PIK3R4: variants seen among roughly 807,000 people sequenced by gnomAD.
PIK3R4 encodes phosphoinositide 3-kinase regulatory subunit 4.
Under a neutral mutation model 136.5 loss-of-function variants are expected in PIK3R4, and 46 were observed. That is an observed-to-expected ratio of 0.34 (90% CI 0.27 to 0.43). PIK3R4 has a LOEUF of 0.43. Among genes scored for constraint, PIK3R4 ranks in the 20% least tolerant of loss-of-function variants. The pLI is 1.00. For missense variants in PIK3R4, 1,331 were observed against 1,649.5 expected, an observed-to-expected ratio of 0.81 and a Z score of 3.35; for synonymous variants, 557 against 566.7, an observed-to-expected ratio of 0.98 and a Z score of 0.24.
chr3:130,699,090 A>C (rs2066562255), intron 13 of PIK3R4, among the ~76,000 whole-genome samples: 1 of 152,200 alleles, frequency 6.6e-6, no homozygotes, highest in Admixed American at 6.5e-5. Context: ...GTATGTGCAC[A>C]ACTCTACACA....
chr3:130,684,674 C>T (rs970940994), intron 15 of PIK3R4, among the ~76,000 whole-genome samples: 1 of 152,156 alleles, frequency 6.6e-6, no homozygotes, highest in African/African-American at 2.4e-5. Flanking sequence ...CGAAGGCACC[C>T]ACAAAAACAG....
At chr3:130,706,862 A>T in intron 11 of PIK3R4, 86 bp downstream of exon 11, 1 of 975,288 alleles carries the variant, frequency 1.0e-6, no homozygotes, top group Non-Finnish European at 1.4e-6. Flanking sequence ...TGATTTTTCC[A>T]CTACAGTACA....
At chr3:130,701,055 T>C (rs2066571227) in intron 13 of PIK3R4, among the ~76,000 whole-genome samples, 1 of 152,150 alleles carries the variant, frequency 6.6e-6, no homozygotes, top group Non-Finnish European at 1.5e-5. Context: ...AGCATGACAC[T>C]GGGATACAGA....
At chr3:130,738,422 G>A (rs888371670) in intron 2 of PIK3R4, among the ~76,000 whole-genome samples, 2 of 152,042 alleles carry the variant, frequency 1.3e-5, no homozygotes, top group African/African-American at 4.8e-5. Flanking sequence ...AAAAACAGTA[G>A]GGAAAAACAC....
intron 16 of PIK3R4, 84 bp downstream of exon 16, chr3:130,684,166 C>A: frequency 1.6e-6 from 2 of 1,278,242 alleles, no homozygotes; most frequent in South Asian, 1.3e-5. Flanking sequence ...TAAAATAAAA[C>A]TAAAAACATG....
intron 18 of PIK3R4, 33 bp from the exon 19 acceptor site, chr3:130,680,754 T>G: frequency 2.3e-5 from 30 of 1,297,128 alleles, no homozygotes; most frequent in Non-Finnish European, 3.0e-5. Context: ...TGACAATCTC[T>G]TCAGGACAAT....
intron 4 of PIK3R4, 81 bp downstream of exon 4, chr3:130,733,467 C>G: frequency 2.2e-6 from 2 of 899,218 alleles, no homozygotes; most frequent in South Asian, 3.3e-5. Flanking sequence ...AATTCTCAAA[C>G]AAATCAGAAA....
At chr3:130,724,757 T>C (rs780098638) in intron 6 of PIK3R4, among the ~76,000 whole-genome samples, 5 of 151,858 alleles carry the variant, frequency 3.3e-5, no homozygotes, top group Non-Finnish European at 7.4e-5. Flanking sequence ...GTAGTCAACA[T>C]CTCAAAAACT....
In PIK3R4 at chr3:130,733,677, A is replaced by G. The variant is rs1243762577; in HGVS notation, c.1321T>C (p.Leu441=). The G allele has an allele frequency of 6.2e-7, 1 of 1,614,164 alleles. No individual in the cohort carries two copies. Among genetic ancestry groups the G allele is most frequent in the Non-Finnish European group, 8.5e-7 (1 of 1,179,962 alleles). ...TTGACGAGAGCAAGAACTTTGGTCA[A>G]CGTCCTCAAGGCTTCAGCCCTCACC... ...PRVRAEALRT[L]TKVLALVKEV... is the part of the protein sequence containing the mutation. Residue 441 remains leucine (L), a synonymous_variant, in exon 4 of 20, where the codon TTG becomes CTG. Transcript: ENST00000356763.
At chr3:130,706,156 T>C (rs2066605246) in intron 11 of PIK3R4, among the ~76,000 whole-genome samples, 1 of 152,164 alleles carries the variant, frequency 6.6e-6, no homozygotes, top group African/African-American at 2.4e-5. Context: ...AATTACAAAC[T>C]TATTTCAAAT....
At chr3:130,701,080 TAA>T (rs896811575) in intron 13 of PIK3R4, among the ~76,000 whole-genome samples, 1 of 152,150 alleles carries the variant, frequency 6.6e-6, no homozygotes, top group South Asian at 2.1e-4. Context: ...ATGACTGTAA[TAA>T]AAATCACTTG....
chr3:130,712,907 T>C (rs780001585), intron 9 of PIK3R4, among the ~76,000 whole-genome samples: 4 of 152,218 alleles, frequency 2.6e-5, no homozygotes, highest in Non-Finnish European at 4.4e-5. Context: ...CTGTTTATTT[T>C]ACTTTAGAGG....
At chr3:130,705,278 G>A (rs981456172) in intron 12 of PIK3R4, among the ~76,000 whole-genome samples, 3 of 152,148 alleles carry the variant, frequency 2.0e-5, no homozygotes, top group Non-Finnish European at 4.4e-5. Context: ...AAAGTGGCAA[G>A]GCATTAAACA....
chr3:130,735,395 T>A (rs2066780749), intron 3 of PIK3R4, among the ~76,000 whole-genome samples: 2 of 152,212 alleles, frequency 1.3e-5, no homozygotes, highest in South Asian at 4.1e-4. Context: ...AATTTGTGCT[T>A]CTGTAGCTGC....
Position 130,744,525 on chromosome 3 carries a change from T to C in PIK3R4, c.694A>G (p.Arg232Gly). The change falls in exon 2 of 20, where the codon AGA (arginine) becomes GGA (glycine). Residue 232 changes from arginine (R) to glycine (G), a missense_variant. Arg to Gly is a moderately radical substitution (Grantham distance 125). Coordinates refer to ENST00000356763, the MANE Select transcript of PIK3R4 (RefSeq NM_014602.3). ...TCCATTGCTCTCTTCAACTCTCCTC[T>C]TGTTCTCTGATTGCTATTTAAGTCT... The part of the protein sequence containing the change: ...LVDLNSNQRT[R>G]GELKRAMDIF... 1.2e-6 allele frequency: 2 copies of C among 1,614,126 alleles called. No individual in the cohort carries two copies. Among genetic ancestry groups the C allele is most frequent in the Non-Finnish European group, 1.7e-6 (2 of 1,179,992 alleles).
Position 130,690,630 on chromosome 3 carries a change from A to G in PIK3R4, c.3123T>C (p.Ile1041=). 6.2e-7 allele frequency: 1 copy of G among 1,609,682 alleles called. No individual in the cohort carries two copies. Among genetic ancestry groups the G allele is most frequent in the Non-Finnish European group, 8.5e-7 (1 of 1,176,632 alleles). The change falls in exon 14 of 20, where the codon ATT becomes ATC. Residue 1041 remains isoleucine, a synonymous_variant. Coordinates refer to ENST00000356763, the MANE Select transcript of PIK3R4 (RefSeq NM_014602.3). ...TTRSILTYSR[I]GGRVKTLTFC... ...ATGTGAGCGTCTTGACTCGTCCTCC[A>G]ATTCGGCTGTATGTAAGAATAGATC... is the stretch of plus-strand genomic sequence containing the variant.
rs1212638853 is a variant in PIK3R4 at position 130,734,029 on chromosome 3, A to T, written c.969T>A (p.Phe323Leu). ...GNAFPEIFYTFLQPYMAQFAK... is the reference protein window; with the variant it reads ...GNAFPEIFYTLLQPYMAQFAK... ...CAAACTGGGCCATGTAGGGCTGAAG[A>T]AAAGTGTAAAATATTTCAGGAAAGG... Residue 323 changes from phenylalanine (F) to leucine (L), a missense_variant, in exon 4 of 20, where the codon TTT becomes TTA. Coordinates refer to ENST00000356763, the MANE Select transcript of PIK3R4 (RefSeq NM_014602.3). 1 of 1,614,172 alleles carries T rather than the reference A, an allele frequency of 6.2e-7. No individual in the cohort carries two copies. The highest frequency in any genetic ancestry group is 8.5e-7 in the Non-Finnish European group (1 of 1,180,006).
Position 130,744,685 on chromosome 3 carries a change from G to A in PIK3R4, c.534C>T (p.Asp178=), listed in dbSNP as rs760319971. The A allele has an allele frequency of 1.2e-6, 2 of 1,614,222 alleles. No individual in the cohort carries two copies. Among genetic ancestry groups the A allele is most frequent in the South Asian group, 2.2e-5 (2 of 91,086 alleles). Residue 178 remains aspartate, a synonymous_variant, in exon 2 of 20, where the codon GAC becomes GAT. Coordinates refer to ENST00000356763, the MANE Select transcript of PIK3R4 (RefSeq NM_014602.3). ...ASFKPTYLPE[D]NPADFNYFFD... is the part of the protein sequence containing the mutation. Reference sequence around the variant, plus strand: ...AGAAATAATTGAAATCTGCCGGGTTGTCTTCTGGAAGATAAGTGGGCTTAA... The same window carrying A: ...AGAAATAATTGAAATCTGCCGGGTTATCTTCTGGAAGATAAGTGGGCTTAA...
chr3:130,716,293 A>G (rs1474852459), intron 9 of PIK3R4, 103 bp downstream of exon 9: 2 of 867,464 alleles, frequency 2.3e-6, no homozygotes, highest in Admixed American at 4.7e-5. Flanking sequence ...CATTTTTATG[A>G]TGTAATCTAA....
Sources: allele counts gnomAD v4.1 joint callset (sites outside exome capture counted in the v4.1 genomes callset), GRCh38; gene constraint gnomAD v4.1.1; transcripts MANE v1.5; gene names NCBI Gene and HGNC (gene_info 2026-07-23, HGNC 2026-07-21).